Variants in NUBPL observed in about 807,000 individuals in gnomAD.
NUBPL encodes the protein NUBP iron-sulfur cluster assembly factor, mitochondrial, also known as iron-sulfur cluster transfer protein NUBPL.
A neutral mutation model predicts 45.7 loss-of-function variants in NUBPL; 31 were observed. The ratio of observed to expected loss-of-function variants is 0.68; its 90% CI spans 0.51 to 0.92. NUBPL has a LOEUF of 0.92. Among genes scored for constraint, NUBPL ranks in the 40% least tolerant of loss-of-function variants. NUBPL has a pLI of 0.00. For synonymous variants in NUBPL, 144 were observed against 140.9 expected, an observed-to-expected ratio of 1.02 and a Z score of -0.15; for missense variants, 401 against 398.7, an observed-to-expected ratio of 1.01 and a Z score of -0.05.
intron 6 of NUBPL, among the ~76,000 whole-genome samples, chr14:31,716,051 C>T (rs2037681811): frequency 6.6e-6 from 1 of 151,798 alleles, no homozygotes; most frequent in South Asian, 2.1e-4. Flanking sequence ...GACACAGACA[C>T]TCATATTAGG....
At chr14:31,705,887 C>T (rs1168488258) in intron 6 of NUBPL, among the ~76,000 whole-genome samples, 1 of 152,168 alleles carries the variant, frequency 6.6e-6, no homozygotes, top group Non-Finnish European at 1.5e-5. Flanking sequence ...TGGCCATGCC[C>T]AGTGCAGGGC....
chr14:31,852,331 G>T (rs1327130162), intron 10 of NUBPL, among the ~76,000 whole-genome samples: 1 of 152,176 alleles, frequency 6.6e-6, no homozygotes, highest in African/African-American at 2.4e-5. Flanking sequence ...AGTCCACTTA[G>T]TGTCCTTGAC....
intron 4 of NUBPL, among the ~76,000 whole-genome samples, chr14:31,611,016 G>C (rs1166373821): frequency 6.6e-6 from 1 of 152,164 alleles, no homozygotes; most frequent in East Asian, 1.9e-4. Context: ...CTAATATCTG[G>C]AACATGACAA....
intron 7 of NUBPL, among the ~76,000 whole-genome samples, chr14:31,792,677 A>C (rs1566564380): frequency 6.6e-6 from 1 of 152,162 alleles, no homozygotes; most frequent in East Asian, 1.9e-4. Flanking sequence ...AATAGCAGCA[A>C]GGAAATGCAG....
intron 6 of NUBPL, among the ~76,000 whole-genome samples, chr14:31,685,792 G>A (rs1239793435): frequency 6.6e-6 from 1 of 152,174 alleles, no homozygotes; most frequent in Non-Finnish European, 1.5e-5. Context: ...AAAAGATGGT[G>A]CATTTATTCA....
chr14:31,848,136 G>A (rs2040482074), intron 9 of NUBPL, among the ~76,000 whole-genome samples: 1 of 152,176 alleles, frequency 6.6e-6, no homozygotes, highest in African/African-American at 2.4e-5. Flanking sequence ...CCCTAAAAAT[G>A]TATCAAAAAC....
intron 6 of NUBPL, among the ~76,000 whole-genome samples, chr14:31,679,125 C>T (rs1374915893): frequency 6.6e-6 from 1 of 152,214 alleles, no homozygotes; most frequent in Non-Finnish European, 1.5e-5. Context: ...CCTCCCCAAG[C>T]ACACAGATTC....
chr14:31,844,338 G>A (rs545342264), intron 8 of NUBPL: 1 of 152,174 alleles, frequency 6.6e-6, no homozygotes, highest in East Asian at 1.9e-4. Context: ...ATACAGTCAG[G>A]GGATATATCA....
intron 4 of NUBPL, among the ~76,000 whole-genome samples, chr14:31,605,883 C>T (rs1159646579): frequency 6.9e-6 from 1 of 145,564 alleles, no homozygotes; most frequent in Admixed American, 6.9e-5. Flanking sequence ...CTTCTTCCTC[C>T]TCCTTGTCTC....
chr14:31,594,794 A>G (rs2034239582), intron 3 of NUBPL, among the ~76,000 whole-genome samples: 1 of 152,248 alleles, frequency 6.6e-6, no homozygotes, highest in Non-Finnish European at 1.5e-5. Flanking sequence ...CTAGGCAGAA[A>G]GAGAAGAAAG....
At chr14:31,671,584 A>C (rs1385117326) in intron 4 of NUBPL, among the ~76,000 whole-genome samples, 1 of 152,242 alleles carries the variant, frequency 6.6e-6, no homozygotes, top group Admixed American at 6.5e-5. Flanking sequence ...AAAATGGCCA[A>C]AAATATTGCC....
At chr14:31,677,865 C>T (rs1378386479) in intron 6 of NUBPL, among the ~76,000 whole-genome samples, 1 of 152,218 alleles carries the variant, frequency 6.6e-6, no homozygotes, top group Non-Finnish European at 1.5e-5. Context: ...CAAAGCGAGA[C>T]AGGCTTGTGT....
chr14:31,716,365 T>C (rs1475772309), intron 6 of NUBPL, among the ~76,000 whole-genome samples: 12 of 152,228 alleles, frequency 7.9e-5, no homozygotes, highest in Non-Finnish European at 1.8e-4. Context: ...CTGTACCTAA[T>C]TGTATATGTT....
intron 6 of NUBPL, among the ~76,000 whole-genome samples, chr14:31,763,432 G>C (rs2038853945): frequency 6.6e-6 from 1 of 152,074 alleles, no homozygotes; most frequent in Non-Finnish European, 1.5e-5. Context: ...TTGTGCCCAA[G>C]TTTTAGCTTT....
chr14:31,621,050 C>T (rs1357302653), intron 4 of NUBPL, among the ~76,000 whole-genome samples: 2 of 152,194 alleles, frequency 1.3e-5, no homozygotes, highest in African/African-American at 4.8e-5. Context: ...GCTCCACCCA[C>T]TTCAAACTTC....
intron 6 of NUBPL, among the ~76,000 whole-genome samples, chr14:31,777,352 A>C (rs1038817679): frequency 6.6e-6 from 1 of 152,198 alleles, no homozygotes; most frequent in African/African-American, 2.4e-5. Flanking sequence ...GGCAGTGGCC[A>C]ATTGAACGAC....
intron 4 of NUBPL, among the ~76,000 whole-genome samples, chr14:31,631,687 A>C (rs914471359): frequency 2.0e-5 from 3 of 152,106 alleles, no homozygotes; most frequent in African/African-American, 4.8e-5. Context: ...GTCTGAGTCC[A>C]AGTCCACGTC....
At chr14:31,707,293 T>C (rs1162962761) in intron 6 of NUBPL, among the ~76,000 whole-genome samples, 3 of 152,264 alleles carry the variant, frequency 2.0e-5, no homozygotes, top group African/African-American at 7.2e-5. Flanking sequence ...TGGATTGTTA[T>C]AGGGTTACAG....
chr14:31,763,322 TA>T (rs1472379848), intron 6 of NUBPL, among the ~76,000 whole-genome samples: 1 of 152,210 alleles, frequency 6.6e-6, no homozygotes, highest in Non-Finnish European at 1.5e-5. Context: ...CTAAAGTAAA[TA>T]AAACTTGTCC....
Sources: allele counts gnomAD v4.1 joint callset (sites outside exome capture counted in the v4.1 genomes callset), GRCh38; gene constraint gnomAD v4.1.1; transcripts MANE v1.5; gene names NCBI Gene and HGNC (gene_info 2026-07-23, HGNC 2026-07-21).